Variants in NINJ2 observed in about 807,000 individuals in gnomAD.
The protein encoded by NINJ2 is ninjurin-2.
A neutral mutation model predicts 11.7 loss-of-function variants in NINJ2; 12 were observed. The ratio of observed to expected loss-of-function variants is 1.02; its 90% CI spans 0.66 to 1.66. The LOEUF is 1.66. NINJ2 is among the 40% of genes most tolerant of loss of function. NINJ2 has a pLI of 0.00. For synonymous variants in NINJ2, 93 were observed against 76.8 expected (o/e 1.21, Z -1.10); for missense variants, 187 against 181.8 (o/e 1.03, Z -0.16).
intron 1 of NINJ2, among the ~76,000 whole-genome samples, chr12:572,093 C>T (rs1415349184): frequency 6.6e-6 from 1 of 152,222 alleles, no homozygotes; most frequent in Non-Finnish European, 1.5e-5. Flanking sequence ...GCACTGGACG[C>T]CTTTTCTTAT....
At chr12:601,326 C>T (rs181777965) in intron 1 of NINJ2, among the ~76,000 whole-genome samples, 2,120 of 151,616 alleles carry the variant, frequency 0.014, 52 homozygotes, top group African/African-American at 0.049. Flanking sequence ...GCGGGCGGAT[C>T]AGGAAGTCAG....
intron 1 of NINJ2, among the ~76,000 whole-genome samples, chr12:611,828 G>T (rs896517859): frequency 3.3e-5 from 5 of 152,230 alleles, no homozygotes; most frequent in African/African-American, 1.2e-4. Flanking sequence ...TTTCCAGGAA[G>T]CGAGGCCATT....
chr12:610,506 C>A, intron 1 of NINJ2: 1 of 1,514,550 alleles, frequency 6.6e-7, no homozygotes, highest in Non-Finnish European at 8.8e-7. Flanking sequence ...CCCCGTGGGT[C>A]CCCACAGCGG....
At chr12:579,658 A>G (rs1273731162) in intron 1 of NINJ2, among the ~76,000 whole-genome samples, 1 of 152,156 alleles carries the variant, frequency 6.6e-6, no homozygotes, top group South Asian at 2.1e-4. Flanking sequence ...TGTCACATGT[A>G]AAATGTAGAT....
At chr12:566,260 T>A in intron 1 of NINJ2, 82 bp from the exon 2 acceptor site, 3 of 1,164,974 alleles carry the variant, frequency 2.6e-6, no homozygotes, top group Non-Finnish European at 3.7e-6. Flanking sequence ...AGAGAGGTTT[T>A]AAAGCTCTTT....
intron 1 of NINJ2, among the ~76,000 whole-genome samples, chr12:617,183 G>A (rs1454974427): frequency 6.6e-6 from 1 of 152,112 alleles, no homozygotes; most frequent in African/African-American, 2.4e-5. Context: ...CAGCCTGGGC[G>A]ACAAAGCAAG....
chr12:650,558 G>T (rs1436847915), intron 1 of NINJ2, among the ~76,000 whole-genome samples: 1 of 152,110 alleles, frequency 6.6e-6, no homozygotes, highest in Non-Finnish European at 1.5e-5. Flanking sequence ...AATTAGCCGG[G>T]CGTGGTGGCG....
chr12:565,512 G>A (rs878873795), intron 2 of NINJ2, 111 bp from the exon 3 acceptor site: 2 of 1,156,076 alleles, frequency 1.7e-6, no homozygotes, highest in South Asian at 2.9e-5. Flanking sequence ...AAACCCATGT[G>A]GCAGAAATCA....
intron 2 of NINJ2, chr12:565,633 G>A (rs1947285994): frequency 4.9e-6 from 3 of 611,366 alleles, no homozygotes; most frequent in South Asian, 3.9e-5. Flanking sequence ...GCTGGGTCCT[G>A]TAAGCGTGGG....
chr12:604,010 G>A (rs1470794047), intron 1 of NINJ2, among the ~76,000 whole-genome samples: 1 of 152,166 alleles, frequency 6.6e-6, no homozygotes, highest in Admixed American at 6.5e-5. Flanking sequence ...TGGTGTATAT[G>A]TCTGTCCTTA....
chr12:635,239 C>A (rs1399258378), intron 1 of NINJ2, among the ~76,000 whole-genome samples: 3 of 152,048 alleles, frequency 2.0e-5, no homozygotes, highest in African/African-American at 7.2e-5. Flanking sequence ...TTAGTAGAAA[C>A]AGGGTTTCGC....
chr12:601,452 G>C (rs1359752660), intron 1 of NINJ2, among the ~76,000 whole-genome samples: 2 of 152,030 alleles, frequency 1.3e-5, no homozygotes, highest in South Asian at 4.1e-4. Context: ...GGAGGCTGAG[G>C]CAGGAGAATG....
chr12:567,760 C>T (rs567928692), intron 1 of NINJ2, among the ~76,000 whole-genome samples: 18 of 152,290 alleles, frequency 1.2e-4, no homozygotes, highest in Admixed American at 3.3e-4. Context: ...AACTCCAGCA[C>T]TTTGAGAGGC....
intron 1 of NINJ2, chr12:643,506 T>C (rs1252861121): frequency 2.0e-6 from 2 of 988,038 alleles, no homozygotes; most frequent in Non-Finnish European, 2.4e-6. Flanking sequence ...TCCCTGGAAC[T>C]GTACCTCATG....
intron 1 of NINJ2, among the ~76,000 whole-genome samples, chr12:627,980 TCCTGTC>T (rs1232558150): frequency 2.0e-5 from 3 of 152,180 alleles, no homozygotes; most frequent in Non-Finnish European, 2.9e-5. Flanking sequence ...GTCCTTCCTG[TCCTGTC>T]CCTGTCCCTG....
At chr12:637,332 G>A (rs1948364139) in intron 1 of NINJ2, among the ~76,000 whole-genome samples, 2 of 151,074 alleles carry the variant, frequency 1.3e-5, no homozygotes, top group South Asian at 4.2e-4. Flanking sequence ...CTGGGCGACA[G>A]AGCGAGACTT....
At chr12:621,871 C>A (rs1246020326) in intron 1 of NINJ2, among the ~76,000 whole-genome samples, 1 of 151,192 alleles carries the variant, frequency 6.6e-6, no homozygotes, top group Non-Finnish European at 1.5e-5. Flanking sequence ...CTGTGGCTCA[C>A]ACCTGTAATC....
chr12:616,315 G>A (rs1356725735), intron 1 of NINJ2, among the ~76,000 whole-genome samples: 2 of 152,212 alleles, frequency 1.3e-5, no homozygotes, highest in Admixed American at 1.3e-4. Context: ...GAGTAACCAG[G>A]TTGTGTCCTG....
At chr12:611,251 C>T (rs796326273) in intron 1 of NINJ2, among the ~76,000 whole-genome samples, 160 of 78,884 alleles carry the variant, frequency 2.0e-3, no homozygotes, top group African/African-American at 9.3e-3. Context: ...TTCTTTCTCT[C>T]TCTCTCTTTC....
Sources: gnomAD v4.1 joint callset for allele counts (sites outside exome capture counted in the v4.1 genomes callset) on GRCh38, gnomAD v4.1.1 for gene constraint, MANE v1.5 for transcripts, NCBI Gene and HGNC (gene_info 2026-07-23, HGNC 2026-07-21) for gene names.